ERCC8: variants seen among roughly 807,000 people sequenced by gnomAD.
ERCC8 encodes DNA excision repair protein ERCC-8.
Under a neutral mutation model 54.9 loss-of-function variants are expected in ERCC8, and 52 were observed. The ratio of observed to expected loss-of-function variants is 0.95; its 90% CI spans 0.76 to 1.19. The LOEUF (loss-of-function observed/expected upper bound fraction) is 1.19, where lower values mean the gene tolerates loss of function less well. ERCC8 is among the 50% of genes most tolerant of loss of function. The pLI is 0.00. For missense variants in ERCC8, 514 were observed against 466.1 expected (o/e 1.10, Z -0.95); for synonymous variants, 146 against 157.2 (o/e 0.93, Z 0.53).
intron 1 of ERCC8, 109 bp from the exon 2 acceptor site, chr5:60,929,068 C>T (rs1469856542): frequency 2.9e-6 from 2 of 698,524 alleles, no homozygotes; most frequent in African/African-American, 3.6e-5. Context: ...ATGTCTAAAT[C>T]TTCTACCACA....
intron 10 of ERCC8, among the ~76,000 whole-genome samples, chr5:60,888,084 C>T (rs1011650813): frequency 1.3e-5 from 2 of 152,096 alleles, no homozygotes; most frequent in Non-Finnish European, 2.9e-5. Context: ...TTGCTTATGG[C>T]TGAACAATGC....
chr5:60,914,192 G>A (rs1284049724), intron 4 of ERCC8, among the ~76,000 whole-genome samples: 2 of 152,074 alleles, frequency 1.3e-5, no homozygotes, highest in African/African-American at 2.4e-5. Context: ...AGAGTGGGGT[G>A]TTAAAGTCTC....
chr5:60,923,693 A>G (rs377759162), intron 2 of ERCC8, among the ~76,000 whole-genome samples: 1 of 152,034 alleles, frequency 6.6e-6, no homozygotes, highest in East Asian at 1.9e-4. Context: ...CAAATTCTTT[A>G]TGTCTCTTTT....
rs2112447137 is a variant in ERCC8 at position 60,870,269 on chromosome 5, A to G, written c.*4346T>C. ...CAAGTAATTATTAAGCACCTACTACATGCCAACTACAGTTCTAAGAATTGA... is the reference window on the plus strand; with the variant it reads ...CAAGTAATTATTAAGCACCTACTACGTGCCAACTACAGTTCTAAGAATTGA... On this transcript the variant is annotated 3_prime_UTR_variant, in exon 12 of 12. Transcript: ENST00000676185. Among the ~76,000 whole-genome samples, 1 of 152,170 alleles carries G rather than the reference A, an allele frequency of 6.6e-6. No homozygotes were observed. Among genetic ancestry groups the G allele is most frequent in the East Asian group, 1.9e-4 (1 of 5,168 alleles).
chr5:60,923,218 A>G (rs990274117), intron 2 of ERCC8, among the ~76,000 whole-genome samples: 11 of 152,178 alleles, frequency 7.2e-5, no homozygotes, highest in African/African-American at 2.4e-4. Flanking sequence ...AAATTATTCT[A>G]TTCAAAAACT....
chr5:60,895,706 C>T (rs1038448215), intron 9 of ERCC8, among the ~76,000 whole-genome samples: 5 of 151,976 alleles, frequency 3.3e-5, no homozygotes, highest in African/African-American at 9.7e-5. Flanking sequence ...GGTGGGGTGA[C>T]GAAGAAAAAA....
chr5:60,933,207 C>CTTTTTTTTT (rs796407596), intron 1 of ERCC8, among the ~76,000 whole-genome samples: 1 of 119,704 alleles, frequency 8.4e-6, no homozygotes, highest in Admixed American at 1.0e-4. Context: ...GCATTTTTTC[C>CTTTTTTTTT]TTTTTTTTCT....
In ERCC8 at chr5:60,899,731, A is replaced by G. The variant is rs1335909742; in HGVS notation, c.618-4T>C. The G allele has an allele frequency of 1.3e-6, 2 of 1,598,966 alleles. No individual in the cohort carries two copies. Among genetic ancestry groups the G allele is most frequent in the Non-Finnish European group, 1.7e-6 (2 of 1,167,106 alleles). On this transcript the variant is annotated splice_polypyrimidine_tract_variant and splice_region_variant and intron_variant, in intron 7 of 11. Coordinates refer to ENST00000676185, the MANE Select transcript of ERCC8 (RefSeq NM_000082.4). The stretch of plus-strand genomic sequence containing the variant: ...TAATTTTACTCTACTGTCAGCACTG[A>G]GAAGAAATAAATGTTACATTGACAT...
Position 60,869,674 on chromosome 5 carries a change from C to T in ERCC8, c.*4941G>A, listed in dbSNP as rs558457317. On this transcript the variant is annotated 3_prime_UTR_variant, in exon 12 of 12. Transcript: ENST00000676185. ...TAGCAAGTTTAAAAGAGAGGTCAAG[C>T]TGATCTACGATGTGATTTTTTAGGC... Among the ~76,000 whole-genome samples the T allele has an allele frequency of 1.3e-5, 2 of 152,202 alleles. No individual in the cohort carries two copies. The highest frequency in any genetic ancestry group is 4.1e-4 in the South Asian group (2 of 4,822).
chr5:60,938,199 C>A (rs1248192022), intron 1 of ERCC8, among the ~76,000 whole-genome samples: 1 of 149,174 alleles, frequency 6.7e-6, no homozygotes, highest in African/African-American at 2.5e-5. Context: ...CTTGTAACTT[C>A]AATTTTCATT....
chr5:60,916,144 G>GA (rs1561509512), intron 4 of ERCC8, among the ~76,000 whole-genome samples: 1 of 151,930 alleles, frequency 6.6e-6, no homozygotes, highest in South Asian at 2.1e-4. Context: ...ATATCTCAAA[G>GA]AAAAAACCAG....
intron 7 of ERCC8, chr5:60,900,850 A>G (rs1330371451): frequency 6.6e-6 from 1 of 152,064 alleles, no homozygotes; most frequent in Non-Finnish European, 1.5e-5. Context: ...TCTGATGAAA[A>G]CCAAGTTAAG....
At chr5:60,889,594 C>A (rs372430053) in intron 10 of ERCC8, among the ~76,000 whole-genome samples, 3 of 152,150 alleles carry the variant, frequency 2.0e-5, no homozygotes. Flanking sequence ...AGCCACTGTG[C>A]GCAGCCATTG....
At chr5:60,911,519 A>G (rs1317592680) in intron 4 of ERCC8, among the ~76,000 whole-genome samples, 3 of 151,790 alleles carry the variant, frequency 2.0e-5, no homozygotes, top group African/African-American at 7.3e-5. Flanking sequence ...AGATTGCAAA[A>G]ATTTTCTCCC....
chr5:60,891,173 T>A (rs763847634), intron 9 of ERCC8, 87 bp from the exon 10 acceptor site: 1 of 922,058 alleles, frequency 1.1e-6, no homozygotes, highest in East Asian at 2.6e-5. Flanking sequence ...TAAAATATTA[T>A]GCTATAAAAA....
At chr5:60,936,811 C>T (rs1750081444) in intron 1 of ERCC8, among the ~76,000 whole-genome samples, 2 of 152,136 alleles carry the variant, frequency 1.3e-5, no homozygotes, top group Admixed American at 1.3e-4. Flanking sequence ...GAATCCTTTT[C>T]CCCTAAGGTG....
intron 11 of ERCC8, among the ~76,000 whole-genome samples, chr5:60,880,865 C>T (rs116295407): frequency 0.024 from 3,644 of 152,202 alleles, 59 homozygotes; most frequent in Non-Finnish European, 0.037. Context: ...TTTCTCAACT[C>T]GTCAATGTCA....
In ERCC8 at chr5:60,899,563, A is replaced by G. The variant is rs187997475; in HGVS notation, c.718+64T>C. On this transcript the variant is annotated intron_variant, in intron 8 of 11. Coordinates refer to ENST00000676185, the MANE Select transcript of ERCC8 (RefSeq NM_000082.4). The stretch of plus-strand genomic sequence containing the variant: ...AATATGCGTTTATTATGTGGCTTCA[A>G]TTAAAAATTTTCAATGTAAAAAAAT... 35 of 1,232,494 alleles carry G rather than the reference A, an allele frequency of 2.8e-5. No homozygotes were observed. The East Asian group carries it at 7.5e-4, about 26-fold the overall frequency. 76.3% of individuals were successfully genotyped at this position (1,232,494 alleles called of 1,614,324 possible).
intron 11 of ERCC8, among the ~76,000 whole-genome samples, chr5:60,876,969 G>C (rs984390412): frequency 1.4e-4 from 22 of 152,142 alleles, no homozygotes; most frequent in Non-Finnish European, 3.1e-4. Flanking sequence ...CCTATGTCCT[G>C]AATGGTAATG....
Sources: allele counts gnomAD v4.1 joint callset (sites outside exome capture counted in the v4.1 genomes callset), GRCh38; gene constraint gnomAD v4.1.1; transcripts MANE v1.5; gene names NCBI Gene and HGNC (gene_info 2026-07-23, HGNC 2026-07-21).